PADI4: variants seen among roughly 807,000 people sequenced by gnomAD.
The protein encoded by PADI4 is peptidyl arginine deiminase 4, also known as protein-arginine deiminase type-4.
Under a neutral mutation model 75.0 loss-of-function variants are expected in PADI4, and 62 were observed. The observed-to-expected ratio is 0.83, with a 90% CI of 0.67 to 1.02. The LOEUF (loss-of-function observed/expected upper bound fraction) is 1.02. Among genes scored for constraint, PADI4 ranks in the 50% least tolerant of loss-of-function variants. The probability of loss-of-function intolerance (pLI) is 0.00; values close to 1 mark genes in which losing one functional copy is unlikely to be tolerated. For missense variants in PADI4, 845 were observed against 850.5 expected, an observed-to-expected ratio of 0.99 and a Z score of 0.08; for synonymous variants, 361 against 348.1, an observed-to-expected ratio of 1.04 and a Z score of -0.41.
At chr1:17,352,401 T>C (rs1021232977) in intron 10 of PADI4, among the ~76,000 whole-genome samples, 2 of 152,104 alleles carry the variant, frequency 1.3e-5, no homozygotes, top group Non-Finnish European at 2.9e-5. Flanking sequence ...TCACAGGGTC[T>C]TAAACAGAGG....
intron 2 of PADI4, among the ~76,000 whole-genome samples, chr1:17,332,787 G>A (rs2074237762): frequency 6.6e-6 from 1 of 152,164 alleles, no homozygotes; most frequent in African/African-American, 2.4e-5. Context: ...GGAACACAGA[G>A]CTTGACTATC....
At position 17,354,573 on chromosome 1, in the gene PADI4, G is replaced by C; in HGVS notation, c.1196G>C (p.Gly399Ala). Residue 399 changes from glycine to alanine, a missense_variant, in exon 11 of 16, where the codon GGG becomes GCG. Transcript: ENST00000375448. Reference protein sequence around the residue: ...FGYVTRGPQTGGISGLDSFGN... With the variant: ...FGYVTRGPQTAGISGLDSFGN... ...TATGTAACTCGAGGGCCCCAAACAGGGGGTATCAGTGGACTGGACTCCTTT... is the reference window on the plus strand; with the variant it reads ...TATGTAACTCGAGGGCCCCAAACAGCGGGTATCAGTGGACTGGACTCCTTT... 1.2e-6 allele frequency: 2 copies of C among 1,614,164 alleles called. No homozygotes were observed. The highest frequency in any genetic ancestry group is 2.2e-5 in the South Asian group (2 of 91,072).
chr1:17,361,351 G>A (rs369142964), intron 15 of PADI4, among the ~76,000 whole-genome samples: 4 of 152,346 alleles, frequency 2.6e-5, no homozygotes, highest in African/African-American at 7.2e-5. Flanking sequence ...GTGGACGCCC[G>A]CGGCTATGGT....
At chr1:17,344,707 T>C (rs888103754) in intron 8 of PADI4, among the ~76,000 whole-genome samples, 1 of 152,142 alleles carries the variant, frequency 6.6e-6, no homozygotes, top group Admixed American at 6.5e-5. Flanking sequence ...TTCCACATGG[T>C]GTTGAGCCTG....
intron 15 of PADI4, 23 bp from the exon 16 acceptor site, chr1:17,363,499 C>A: frequency 6.4e-7 from 1 of 1,564,042 alleles, no homozygotes; most frequent in Non-Finnish European, 8.8e-7. Flanking sequence ...CTGCCTGTGA[C>A]CTGAACCCTC....
Position 17,339,478 on chromosome 1 carries a change from G to C in PADI4, c.527-210G>C, listed in dbSNP as rs533786030. 3.9e-5 allele frequency among the ~76,000 whole-genome samples: 6 copies of C among 152,272 alleles called. No individual in the cohort carries two copies. In the South Asian group the frequency reaches 1.2e-3, roughly 32 times the overall value. ...TCCCCAGCTCATCCTAGTGGGAGGA[G>C]ACCAAAACCTTAATGAGCTCTCATT... On this transcript the variant is annotated intron_variant, in intron 5 of 15. Transcript: ENST00000375448.
intron 10 of PADI4, among the ~76,000 whole-genome samples, chr1:17,351,766 A>G (rs1159060002): frequency 3.3e-5 from 5 of 152,158 alleles, no homozygotes; most frequent in Non-Finnish European, 7.3e-5. Flanking sequence ...GCAGTGAAAC[A>G]GCCAGTGCAA....
Position 17,349,702 on chromosome 1 carries a change from CAAA to C in PADI4, c.1155+1667_1155+1669del, listed in dbSNP as rs199868632. ...CCTGGGTGACAGAGCAAGACTGTAT[CAAA>C]AAAAAAAAAAAAGAAAGAAAAAGAA... On this transcript the variant is annotated intron_variant, in intron 10 of 15. Coordinates refer to ENST00000375448, the MANE Select transcript of PADI4 (RefSeq NM_012387.3). Among the ~76,000 whole-genome samples the C allele has an allele frequency of 1.1e-3, 86 of 79,108 alleles. 1 individual carries two copies. Among genetic ancestry groups the C allele is most frequent in the Admixed American group, 1.7e-3 (12 of 6,858 alleles). The allele number at this position is 79,108 out of a possible 152,430, so 51.9% of individuals were successfully genotyped here.
At chr1:17,345,875 C>T (rs1402606591) in intron 8 of PADI4, among the ~76,000 whole-genome samples, 153 bp from the exon 9 acceptor site, 1 of 152,188 alleles carries the variant, frequency 6.6e-6, no homozygotes, top group East Asian at 1.9e-4. Context: ...ATTCCATGAG[C>T]TAATGCCTGC....
rs756809271 is a variant in PADI4 at position 17,363,788 on chromosome 1, C to G, written c.*33C>G. 2.0e-6 allele frequency: 3 copies of G among 1,472,142 alleles called. No homozygotes were observed. Among genetic ancestry groups the G allele is most frequent in the Non-Finnish European group, 2.8e-6 (3 of 1,052,778 alleles). 91.2% of individuals were successfully genotyped at this position (1,472,142 alleles called of 1,614,324 possible). On this transcript the variant is annotated 3_prime_UTR_variant, in exon 16 of 16. Coordinates refer to ENST00000375448, the MANE Select transcript of PADI4 (RefSeq NM_012387.3). ...TTCCCTGGCGTCCTCTCCCTCCTGG[C>G]CAGATGTCGCTGGGTCCTCTGCAGT...
At position 17,356,282 on chromosome 1, in the gene PADI4, A is replaced by G. The variant is rs576585073; in HGVS notation, c.1456-75A>G. ...TTGGGTCCAAGTCCACACTACTCCC[A>G]CCCTCAGCAGATCCACCCTCGTTGG... is the stretch of plus-strand genomic sequence containing the variant. On this transcript the variant is annotated intron_variant, in intron 12 of 15. Coordinates refer to ENST00000375448, the MANE Select transcript of PADI4 (RefSeq NM_012387.3). The surrounding 1 kb of genome is among the most constrained non-coding windows in gnomAD (Gnocchi z 4.1). 2.7e-5 allele frequency: 34 copies of G among 1,281,794 alleles called. No homozygotes were observed. The South Asian group carries it at 4.5e-4, about 17-fold the overall frequency. 79.4% of individuals were successfully genotyped at this position (1,281,794 alleles called of 1,614,324 possible).
chr1:17,336,902 C>T (rs1230024610), intron 4 of PADI4, among the ~76,000 whole-genome samples: 3 of 152,150 alleles, frequency 2.0e-5, no homozygotes, highest in Non-Finnish European at 4.4e-5. Context: ...GCAGTCATTT[C>T]CCAGGGGCAA....
chr1:17,311,866 G>A (rs2073837197), intron 1 of PADI4, among the ~76,000 whole-genome samples: 1 of 152,152 alleles, frequency 6.6e-6, no homozygotes, highest in Non-Finnish European at 1.5e-5. Context: ...ACAGTGGGGA[G>A]CCTGGACAAG....
intron 15 of PADI4, 84 bp from the exon 16 acceptor site, chr1:17,363,438 A>G (rs2074874604): frequency 2.2e-6 from 2 of 904,746 alleles, no homozygotes; most frequent in Non-Finnish European, 3.5e-6. Flanking sequence ...ATTATTTCCA[A>G]AGGTCAGAGA....
chr1:17,322,537 T>A (rs1444831414), intron 1 of PADI4, among the ~76,000 whole-genome samples: 1 of 151,880 alleles, frequency 6.6e-6, no homozygotes, highest in Non-Finnish European at 1.5e-5. Flanking sequence ...TAGGGAGAAA[T>A]TCAACAGAAC....
rs972560530 is a variant in PADI4 at position 17,319,658 on chromosome 1, C to A, written c.93-11311C>A. On this transcript the variant is annotated intron_variant, in intron 1 of 15. Coordinates refer to ENST00000375448, the MANE Select transcript of PADI4 (RefSeq NM_012387.3). ...TAGTGAATCAGGCAGCCCCTTTTACCCAAACCAGAATAGGTTCAGAAAGAC... is the reference window on the plus strand; with the variant it reads ...TAGTGAATCAGGCAGCCCCTTTTACACAAACCAGAATAGGTTCAGAAAGAC... 2.6e-5 allele frequency among the ~76,000 whole-genome samples: 4 copies of A among 152,256 alleles called. No individual in the cohort carries two copies. The East Asian group carries it at 5.8e-4, about 22-fold the overall frequency.
chr1:17,325,633 C>T (rs1322179001), intron 1 of PADI4, among the ~76,000 whole-genome samples: 1 of 150,866 alleles, frequency 6.6e-6, no homozygotes, highest in East Asian at 1.9e-4. Flanking sequence ...TACTTTATGT[C>T]TTTTTTTCTC....
intron 10 of PADI4, among the ~76,000 whole-genome samples, chr1:17,354,092 AT>A (rs2074717049): frequency 6.6e-6 from 1 of 150,634 alleles, no homozygotes; most frequent in African/African-American, 2.5e-5. Context: ...AAAAAAAAAA[AT>A]ACAAAAATTA....
In PADI4 at chr1:17,346,205, G is replaced by A; in HGVS notation, c.1047+66G>A. The A allele has an allele frequency of 9.8e-7, 1 of 1,025,362 alleles. No homozygotes were observed. The highest frequency in any genetic ancestry group is 1.3e-5 in the South Asian group (1 of 75,172). 63.5% of individuals were successfully genotyped at this position (1,025,362 alleles called of 1,614,324 possible). On this transcript the variant is annotated intron_variant, in intron 9 of 15. Transcript: ENST00000375448. This position sits in a 1 kb window ranked among gnomAD's most constrained non-coding sequence, Gnocchi z 4.3. ...GGCCAAGAGACACTTGGGGGACCCG[G>A]GCTCCTGGGGTTCAGCCTGGTGCCT...
Sources: gnomAD v4.1 joint callset for allele counts (sites outside exome capture counted in the v4.1 genomes callset) on GRCh38, gnomAD v4.1.1 for gene constraint, Gnocchi (gnomAD v3.1) non-coding constraint, MANE v1.5 for transcripts, NCBI Gene and HGNC (gene_info 2026-07-23, HGNC 2026-07-21) for gene names.